ZHX2: variants seen among roughly 807,000 people sequenced by gnomAD.
ZHX2 encodes the protein zinc fingers and homeoboxes 2.
Under a neutral mutation model 21.9 loss-of-function variants are expected in ZHX2, and 6 were observed. That is an observed-to-expected ratio of 0.27 (90% confidence interval 0.15 to 0.54). ZHX2 has a LOEUF of 0.54. ZHX2 is among the 20% of genes least tolerant of loss of function. The probability of loss-of-function intolerance (pLI) is 0.95; values close to 1 mark genes in which losing one functional copy is unlikely to be tolerated. For missense variants in ZHX2, 908 were observed against 1,090.7 expected (o/e 0.83, Z 2.36); for synonymous variants, 434 against 437.1 (o/e 0.99, Z 0.09).
chr8:122,826,225 A>G (rs1458114316), intron 1 of ZHX2, among the ~76,000 whole-genome samples: 1 of 152,234 alleles, frequency 6.6e-6, no homozygotes, highest in Admixed American at 6.5e-5. Flanking sequence ...GCATTTAAAA[A>G]GGGCTTGGAA....
At chr8:122,795,966 T>C (rs1360479938) in intron 1 of ZHX2, among the ~76,000 whole-genome samples, 2 of 152,004 alleles carry the variant, frequency 1.3e-5, no homozygotes, top group Non-Finnish European at 2.9e-5. Context: ...AGGTCAGGAG[T>C]TCGGGACCAG....
chr8:122,791,693 C>T (rs1279723532), intron 1 of ZHX2, among the ~76,000 whole-genome samples: 5 of 152,028 alleles, frequency 3.3e-5, no homozygotes, highest in Admixed American at 6.6e-5. Context: ...GGTGAAACCC[C>T]GTCTCTACCA....
intron 1 of ZHX2, among the ~76,000 whole-genome samples, chr8:122,792,820 A>G (rs922525452): frequency 1.3e-5 from 2 of 152,146 alleles, no homozygotes; most frequent in African/African-American, 2.4e-5. Context: ...ACCCACTCTC[A>G]GGTTCCTACA....
At chr8:122,924,068 A>G (rs1249043998) in intron 2 of ZHX2, among the ~76,000 whole-genome samples, 1 of 152,192 alleles carries the variant, frequency 6.6e-6, no homozygotes, top group Admixed American at 6.5e-5. Context: ...GGAAAGAAAG[A>G]TTCCTGCTTT....
chr8:122,973,263 T>C lies in ZHX2; in HGVS notation c.*26T>C, dbSNP rs147584974. On this transcript the variant is annotated 3_prime_UTR_variant, in exon 4 of 4. Transcript: ENST00000314393. ...CTAGGGAAGTCTGTTAGAACTGCTG[T>C]GCTGATCAACGGGACGCTCCGTCTT... 6.5e-5 allele frequency: 10 copies of C among 152,716 alleles called. No homozygotes were observed. The East Asian group carries it at 1.9e-3, about 29-fold the overall frequency. The allele number at this position is 152,716 out of a possible 1,614,324, so 9.5% of individuals were successfully genotyped here. A position where few individuals can be genotyped will look rare whatever the true frequency, so the allele number is the denominator to read the frequency against.
chr8:122,857,101 C>G (rs1163676134), intron 1 of ZHX2, among the ~76,000 whole-genome samples: 2 of 152,164 alleles, frequency 1.3e-5, no homozygotes, highest in African/African-American at 4.8e-5. Flanking sequence ...GTGTGCGCTG[C>G]CTGTCCTCCA....
At chr8:122,911,575 G>T (rs967139521) in intron 2 of ZHX2, among the ~76,000 whole-genome samples, 2 of 152,178 alleles carry the variant, frequency 1.3e-5, no homozygotes, top group Non-Finnish European at 2.9e-5. Flanking sequence ...AGAAATATTA[G>T]TGGGACTATT....
chr8:122,962,648 G>C (rs1371834463), intron 3 of ZHX2, among the ~76,000 whole-genome samples: 1 of 152,086 alleles, frequency 6.6e-6, no homozygotes, highest in African/African-American at 2.4e-5. Flanking sequence ...CCCAGTAGTG[G>C]GATTGCTGGA....
intron 2 of ZHX2, among the ~76,000 whole-genome samples, chr8:122,913,720 G>A (rs1448552659): frequency 6.6e-6 from 1 of 152,224 alleles, no homozygotes; most frequent in Non-Finnish European, 1.5e-5. Context: ...ATCAGCAATG[G>A]AGTTTAAATA....
intron 3 of ZHX2, among the ~76,000 whole-genome samples, chr8:122,970,698 AG>A (rs2069496367): frequency 6.6e-6 from 1 of 152,196 alleles, no homozygotes; most frequent in African/African-American, 2.4e-5. Context: ...ACATCCAATC[AG>A]TGGCAGCCTC....
chr8:122,964,068 T>A (rs1813521160), intron 3 of ZHX2, among the ~76,000 whole-genome samples: 1 of 152,166 alleles, frequency 6.6e-6, no homozygotes, highest in South Asian at 2.1e-4. Context: ...TAGGGTTTTC[T>A]AGGTATATAA....
intron 1 of ZHX2, among the ~76,000 whole-genome samples, chr8:122,827,785 G>A (rs1818293962): frequency 6.6e-6 from 1 of 152,184 alleles, no homozygotes; most frequent in Non-Finnish European, 1.5e-5. Context: ...AATTACATTT[G>A]CACCAACCTA....
intron 2 of ZHX2, among the ~76,000 whole-genome samples, chr8:122,863,896 C>A (rs1819227908): frequency 6.6e-6 from 1 of 152,098 alleles, no homozygotes; most frequent in Admixed American, 6.6e-5. Context: ...AGGGAGCTAT[C>A]TGGCTCACAC....
At chr8:122,916,726 T>C (rs1442213957) in intron 2 of ZHX2, among the ~76,000 whole-genome samples, 1 of 152,102 alleles carries the variant, frequency 6.6e-6, no homozygotes, top group African/African-American at 2.4e-5. Flanking sequence ...TAAATCCTAA[T>C]TCCTTCCTTC....
At chr8:122,878,312 C>G (rs370638020) in intron 2 of ZHX2, among the ~76,000 whole-genome samples, 1 of 152,178 alleles carries the variant, frequency 6.6e-6, no homozygotes, top group East Asian at 1.9e-4. Flanking sequence ...AGAAGAAACA[C>G]TTATTTAGCA....
chr8:122,804,941 G>A lies in ZHX2; in HGVS notation c.-283+22995G>A, dbSNP rs565480493. On this transcript the variant is annotated intron_variant, in intron 1 of 3. Coordinates refer to ENST00000314393, the MANE Select transcript of ZHX2 (RefSeq NM_014943.5). ...AGCGGCCACTCTGTTGCCTGAATAC[G>A]TGCATAGCATAAAACCAGCCCCAGC... Among the ~76,000 whole-genome samples, 147 of 152,268 alleles carry A rather than the reference G, an allele frequency of 9.7e-4. 2 individuals carry two copies. Among genetic ancestry groups the A allele is most frequent in the African/African-American group, 3.1e-3 (130 of 41,536 alleles).
rs550370466 is a variant in ZHX2, at chr8:122,828,234, G to A, written c.-282-35243G>A. 6.6e-6 allele frequency among the ~76,000 whole-genome samples: 1 copy of A among 152,260 alleles called. No individual in the cohort carries two copies. Among genetic ancestry groups the A allele is most frequent in the East Asian group, 1.9e-4 (1 of 5,182 alleles). The stretch of plus-strand genomic sequence containing the variant: ...TGGAACAAAAGCACCCCTGTGGAGT[G>A]GACAGAAGCACAGACCTAGGGCTTA... On this transcript the variant is annotated intron_variant, in intron 1 of 3. Coordinates refer to ENST00000314393, the MANE Select transcript of ZHX2 (RefSeq NM_014943.5). This position sits in a 1 kb window ranked among gnomAD's most constrained non-coding sequence, Gnocchi z 5.2.
At chr8:122,871,995 C>T (rs952515704) in intron 2 of ZHX2, among the ~76,000 whole-genome samples, 2 of 152,164 alleles carry the variant, frequency 1.3e-5, no homozygotes, top group Non-Finnish European at 2.9e-5. Flanking sequence ...CTTTTCAAAG[C>T]GTATCATCCT....
intron 2 of ZHX2, among the ~76,000 whole-genome samples, chr8:122,886,099 TG>T (rs1379664642): frequency 2.0e-5 from 3 of 152,188 alleles, no homozygotes; most frequent in African/African-American, 7.2e-5. Context: ...AGTAGGTGAA[TG>T]GATAAACAAA....
Sources: gnomAD v4.1 joint callset for allele counts (sites outside exome capture counted in the v4.1 genomes callset) on GRCh38, gnomAD v4.1.1 for gene constraint, Gnocchi (gnomAD v3.1) non-coding constraint, MANE v1.5 for transcripts, NCBI Gene and HGNC (gene_info 2026-07-23, HGNC 2026-07-21) for gene names.